Variants in RELN observed in about 807,000 individuals in gnomAD.
The protein encoded by RELN is reelin.
Under a neutral mutation model 427.6 loss-of-function variants are expected in RELN, and 108 were observed. The ratio of observed to expected loss-of-function variants is 0.25; its 90% CI spans 0.22 to 0.30. The LOEUF (loss-of-function observed/expected upper bound fraction) is 0.30, where lower values mean the gene tolerates loss of function less well. Among genes scored for constraint, RELN ranks in the 10% least tolerant of loss-of-function variants. The pLI is 1.00. For missense variants in RELN, 3,715 were observed against 4,302.8 expected, an observed-to-expected ratio of 0.86 and a Z score of 3.82; for synonymous variants, 1,524 against 1,513.4, an observed-to-expected ratio of 1.01 and a Z score of -0.16.
At chr7:103,575,852 GTC>G in intron 28 of RELN, 147 bp from the exon 29 acceptor site, 1 of 881,124 alleles carries the variant, frequency 1.1e-6, no homozygotes, top group Non-Finnish European at 1.8e-6. Flanking sequence ...TTCATAAGCT[GTC>G]TCTCAGACCT....
At chr7:103,567,911 C>G (rs770115413) in intron 31 of RELN, among the ~76,000 whole-genome samples, 4 of 151,962 alleles carry the variant, frequency 2.6e-5, no homozygotes, top group Non-Finnish European at 4.4e-5. Flanking sequence ...ATCCTCCAAC[C>G]TCTGCCCTCC....
rs899717218 is a variant in RELN at position 103,500,805 on chromosome 7, T to C, written c.8607A>G (p.Glu2869=). The change falls in exon 53 of 65, where the codon GAA becomes GAG. Residue 2869 remains glutamate (E), a synonymous_variant. Transcript: ENST00000428762. Reference sequence around the variant, plus strand: ...AGTATCCCGGATCACAGATGCACTGTTCCCTTAAGCAATCTCCATGGCCCC... The same window carrying C: ...AGTATCCCGGATCACAGATGCACTGCTCCCTTAAGCAATCTCCATGGCCCC... ...NCRGHGDCLR[E]QCICDPGYSG... The C allele has an allele frequency of 6.2e-7, 1 of 1,614,148 alleles. No homozygotes were observed. Among genetic ancestry groups the C allele is most frequent in the Non-Finnish European group, 8.5e-7 (1 of 1,180,004 alleles).
At chr7:103,963,817 T>C (rs181260653) in intron 1 of RELN, among the ~76,000 whole-genome samples, 8 of 152,172 alleles carry the variant, frequency 5.3e-5, no homozygotes, top group African/African-American at 1.7e-4. Flanking sequence ...TGATTTGCCA[T>C]GCAGAGTTAC....
At chr7:103,723,518 C>T (rs1283924869) in intron 7 of RELN, among the ~76,000 whole-genome samples, 1 of 152,138 alleles carries the variant, frequency 6.6e-6, no homozygotes, top group Admixed American at 6.6e-5. Flanking sequence ...TCCACTCATT[C>T]CACCATCTCC....
At position 103,546,814 on chromosome 7, in the gene RELN, G is replaced by T. The variant is rs567631595; in HGVS notation, c.6303-1470C>A. ...TTATGAGCCAAACTAAGGTTTTTTGGATTTTATCTCATCAGAAACAGAGAG... is the reference window on the plus strand; with the variant it reads ...TTATGAGCCAAACTAAGGTTTTTTGTATTTTATCTCATCAGAAACAGAGAG... On this transcript the variant is annotated intron_variant, in intron 41 of 64. Transcript: ENST00000428762. Among the ~76,000 whole-genome samples the T allele has an allele frequency of 6.4e-4, 97 of 152,048 alleles. 1 individual carries two copies. The highest frequency in any genetic ancestry group is 1.0e-3 in the Non-Finnish European group (70 of 67,990).
chr7:103,579,196 C>G (rs1428035513), intron 28 of RELN, among the ~76,000 whole-genome samples: 1 of 152,154 alleles, frequency 6.6e-6, no homozygotes, highest in East Asian at 1.9e-4. Context: ...TTAAGAAGGA[C>G]ATAGAGAAGA....
intron 16 of RELN, among the ~76,000 whole-genome samples, chr7:103,646,965 A>G (rs545704194): frequency 3.9e-5 from 6 of 152,004 alleles, no homozygotes; most frequent in Non-Finnish European, 7.4e-5. Flanking sequence ...ACCTATGCAA[A>G]TCATCTTAAT....
At chr7:103,579,254 A>G (rs1190523280) in intron 28 of RELN, among the ~76,000 whole-genome samples, 1 of 152,240 alleles carries the variant, frequency 6.6e-6, no homozygotes, top group Admixed American at 6.5e-5. Flanking sequence ...GAAATAATTT[A>G]GAGGAAGTAA....
chr7:103,741,288 A>G (rs1265463545), intron 6 of RELN, among the ~76,000 whole-genome samples: 3 of 152,154 alleles, frequency 2.0e-5, no homozygotes. Context: ...TTGACTTCTA[A>G]GGGGTTCGAG....
intron 3 of RELN, among the ~76,000 whole-genome samples, chr7:103,820,366 TCCATG>T (rs1249940698): frequency 1.3e-5 from 2 of 152,084 alleles, no homozygotes; most frequent in South Asian, 2.1e-4. Context: ...ACAAATTCAT[TCCATG>T]CCAAATCCCT....
intron 8 of RELN, among the ~76,000 whole-genome samples, chr7:103,708,054 C>A (rs1026419578): frequency 6.6e-6 from 1 of 152,142 alleles, no homozygotes; most frequent in Non-Finnish European, 1.5e-5. Flanking sequence ...TTGGTCTGAT[C>A]TAGGAACTAC....
At chr7:103,652,466 T>C in intron 14 of RELN, 85 bp downstream of exon 14, 1 of 1,078,274 alleles carries the variant, frequency 9.3e-7, no homozygotes, top group African/African-American at 1.6e-5. Flanking sequence ...CAGTTAAAAC[T>C]CTACCTAGAA....
At chr7:103,841,524 C>T (rs2116434080) in intron 2 of RELN, among the ~76,000 whole-genome samples, 1 of 152,290 alleles carries the variant, frequency 6.6e-6, no homozygotes. Context: ...TCTTTTAAGA[C>T]AGTGACATAC....
intron 3 of RELN, among the ~76,000 whole-genome samples, chr7:103,820,312 T>C: frequency 6.6e-6 from 1 of 152,076 alleles, no homozygotes; most frequent in East Asian, 1.9e-4. Flanking sequence ...TCACCTAATA[T>C]GATTGTAAGG....
intron 19 of RELN, among the ~76,000 whole-genome samples, 198 bp downstream of exon 19, chr7:103,635,227 A>G (rs1832552711): frequency 6.6e-6 from 1 of 152,180 alleles, no homozygotes; most frequent in Admixed American, 6.5e-5. Flanking sequence ...CTATGACAAT[A>G]AATTCCTTCA....
chr7:103,616,539 T>A (rs1239242261), intron 20 of RELN, among the ~76,000 whole-genome samples: 1 of 152,292 alleles, frequency 6.6e-6, no homozygotes, highest in Admixed American at 6.5e-5. Flanking sequence ...AACAACCCGA[T>A]AATATAAAAG....
rs553627376 is a variant in RELN, at chr7:103,909,662, T to A, written c.337+7413A>T. Among the ~76,000 whole-genome samples the A allele has an allele frequency of 4.5e-4, 38 of 84,156 alleles. 1 individual carries two copies. Among genetic ancestry groups the A allele is most frequent in the African/African-American group, 2.0e-3 (36 of 18,056 alleles). The allele number at this position is 84,156 out of a possible 152,430, so 55.2% of individuals were successfully genotyped here. A position where few individuals can be genotyped will look rare whatever the true frequency, so the allele number is the denominator to read the frequency against. On this transcript the variant is annotated intron_variant, in intron 2 of 64. Transcript: ENST00000428762. ...AATAAATATATATATTTAATATATA[T>A]AAATATATATTAAATATATTTAATA...
chr7:103,559,267 A>G (rs1019060707), intron 36 of RELN, among the ~76,000 whole-genome samples: 2 of 152,186 alleles, frequency 1.3e-5, no homozygotes, highest in Non-Finnish European at 2.9e-5. Flanking sequence ...TTTGTTTATT[A>G]AACTATCTTT....
chr7:103,527,983 A>G (rs1441246114), intron 46 of RELN, among the ~76,000 whole-genome samples: 1 of 152,210 alleles, frequency 6.6e-6, no homozygotes, highest in African/African-American at 2.4e-5. Flanking sequence ...GGAATGTAAA[A>G]GAGTACAGCT....
Sources: allele counts gnomAD v4.1 joint callset (sites outside exome capture counted in the v4.1 genomes callset), GRCh38; gene constraint gnomAD v4.1.1; transcripts MANE v1.5; gene names NCBI Gene and HGNC (gene_info 2026-07-23, HGNC 2026-07-21).